DYNLL2: variants seen among roughly 807,000 people sequenced by gnomAD.
DYNLL2 encodes dynein light chain LC8-type 2.
In DYNLL2, 1 loss-of-function variant was observed where a neutral mutation model predicts 9.7. The observed-to-expected ratio is 0.10, with a 90% CI of 0.04 to 0.49. The LOEUF (loss-of-function observed/expected upper bound fraction) is 0.49, where lower values mean the gene tolerates loss of function less well. Ranked by LOEUF, DYNLL2 falls within the 20% of genes least tolerant of loss-of-function variation. The probability of loss-of-function intolerance (pLI) is 0.95; values close to 1 mark genes in which losing one functional copy is unlikely to be tolerated. For synonymous variants in DYNLL2, 35 were observed against 40.5 expected (o/e 0.86, Z 0.52); for missense variants, 37 against 115.2 (o/e 0.32, Z 3.11).
rs928508987 is a variant in DYNLL2, at chr17:58,093,293, G to T, written c.*4014G>T. On this transcript the variant is annotated 3_prime_UTR_variant, in exon 3 of 3. Coordinates refer to ENST00000579991, the MANE Select transcript of DYNLL2 (RefSeq NM_080677.3). ...AAAGGCGTGAGAGGGTCACTCCCAGGTGTATTCAAGCAAGAGTGCCTGAGC... is the reference window on the plus strand; with the variant it reads ...AAAGGCGTGAGAGGGTCACTCCCAGTTGTATTCAAGCAAGAGTGCCTGAGC... 2 of 152,174 alleles carry T rather than the reference G, an allele frequency of 1.3e-5. No individual in the cohort carries two copies. Among genetic ancestry groups the T allele is most frequent in the African/African-American group, 4.8e-5 (2 of 41,446 alleles). The allele number at this position is 152,174 out of a possible 1,614,324, so 9.4% of individuals were successfully genotyped here.
In DYNLL2 at chr17:58,089,417, C is replaced by G. The variant is rs1216127067; in HGVS notation, c.*138C>G. The G allele has an allele frequency of 7.0e-6, 8 of 1,145,002 alleles. No homozygotes were observed. Among genetic ancestry groups the G allele is most frequent in the African/African-American group, 1.6e-5 (1 of 63,606 alleles). 70.9% of individuals were successfully genotyped at this position (1,145,002 alleles called of 1,614,324 possible). ...ACTGCATGGACTGTATACTCGATTTCATGTGTATGTCGCAGTAAACAAAAC... is the reference window on the plus strand; with the variant it reads ...ACTGCATGGACTGTATACTCGATTTGATGTGTATGTCGCAGTAAACAAAAC... On this transcript the variant is annotated 3_prime_UTR_variant, in exon 3 of 3. Transcript: ENST00000579991.
At chr17:58,087,362 A>C in intron 2 of DYNLL2, 140 bp downstream of exon 2, 2 of 1,258,290 alleles carry the variant, frequency 1.6e-6, no homozygotes, top group African/African-American at 1.5e-5. Flanking sequence ...CAAAGCAGAC[A>C]AACTAGCGAG....
intron 1 of DYNLL2, among the ~76,000 whole-genome samples, chr17:58,086,025 A>G (rs1964000837): frequency 1.3e-5 from 2 of 152,218 alleles, no homozygotes; most frequent in Non-Finnish European, 2.9e-5. Context: ...GCTTTAAAGA[A>G]TGAACATTGT....
Position 58,090,876 on chromosome 17 carries a change from CCATTCTTGGGGCTGGTGGGGAGG to C in DYNLL2, c.*1600_*1622del, listed in dbSNP as rs1567767304. On this transcript the variant is annotated 3_prime_UTR_variant, in exon 3 of 3. Transcript: ENST00000579991. ...CCAGCTTATTCTTTTATTTTCAAGT[CCATTCTTGGGGCTGGTGGGGAGG>C]CAGGAGAATACCCCTCCCTAAGCCC... 1 of 151,160 alleles carries C rather than the reference CCATTCTTGGGGCTGGTGGGGAGG, an allele frequency of 6.6e-6. No homozygotes were observed. Among genetic ancestry groups the C allele is most frequent in the African/African-American group, 2.4e-5 (1 of 41,060 alleles). The allele number at this position is 151,160 out of a possible 1,614,324, so 9.4% of individuals were successfully genotyped here.
Position 58,092,852 on chromosome 17 carries a change from G to A in DYNLL2, c.*3573G>A, listed in dbSNP as rs200849813. On this transcript the variant is annotated 3_prime_UTR_variant, in exon 3 of 3. Coordinates refer to ENST00000579991, the MANE Select transcript of DYNLL2 (RefSeq NM_080677.3). ...GACTAGATTTAAGGTGTGGTTCCCC[G>A]CTAAATTATTCTCTCACCTCCTTTC... 1.3e-5 allele frequency: 2 copies of A among 152,096 alleles called. No individual in the cohort carries two copies. The highest frequency in any genetic ancestry group is 4.8e-5 in the African/African-American group (2 of 41,336). The allele number at this position is 152,096 out of a possible 1,614,324, so 9.4% of individuals were successfully genotyped here.
In DYNLL2 at chr17:58,090,813, C is replaced by G. The variant is rs569183303; in HGVS notation, c.*1534C>G. ...TGATTTTCATGAGTCGCCTTCAAAA[C>G]TCTCGTGTAGGGTTGACAATGTGGG... On this transcript the variant is annotated 3_prime_UTR_variant, in exon 3 of 3. Coordinates refer to ENST00000579991, the MANE Select transcript of DYNLL2 (RefSeq NM_080677.3). 53 of 150,900 alleles carry G rather than the reference C, an allele frequency of 3.5e-4. No individual in the cohort carries two copies. The highest frequency in any genetic ancestry group is 1.1e-3 in the African/African-American group (45 of 40,916). The allele number at this position is 150,900 out of a possible 1,614,324, so 9.3% of individuals were successfully genotyped here. A position where few individuals can be genotyped will look rare whatever the true frequency, so the allele number is the denominator to read the frequency against.
chr17:58,086,820 T>TA (rs1274762998), intron 1 of DYNLL2, among the ~76,000 whole-genome samples: 1 of 152,342 alleles, frequency 6.6e-6, no homozygotes, highest in African/African-American at 2.4e-5. Context: ...ATATCGGAAG[T>TA]AAATTTTAGA....
In DYNLL2 at chr17:58,087,214, A is replaced by G. The variant is rs1378836525; in HGVS notation, c.124A>G (p.Ile42Val). Residue 42 changes from isoleucine to valine, a missense_variant, in exon 2 of 3, where the codon ATC (isoleucine) becomes GTC (valine). Transcript: ENST00000579991. ...YNIEKDIAAY[I>V]KKEFDKKYNP... ...TATAGAGAAGGACATTGCTGCCTAT[A>G]TCAAGAAGGTGTGCTGGGAGAGCTG... 1 of 1,614,108 alleles carries G rather than the reference A, an allele frequency of 6.2e-7. No homozygotes were observed. Among genetic ancestry groups the G allele is most frequent in the Non-Finnish European group, 8.5e-7 (1 of 1,179,960 alleles).
At chr17:58,086,801 C>T (rs77154762) in intron 1 of DYNLL2, among the ~76,000 whole-genome samples, 34 of 152,170 alleles carry the variant, frequency 2.2e-4, no homozygotes, top group African/African-American at 7.7e-4. Context: ...ACTATTGGTG[C>T]TCTTCAGAAT....
rs867029369 is a variant in DYNLL2 at position 58,092,544 on chromosome 17, A to G, written c.*3265A>G. ...ATTCTCTCGGAACAATGCAGCCATT[A>G]TTAGAACTGTGCCCATAGGAGCATC... On this transcript the variant is annotated 3_prime_UTR_variant, in exon 3 of 3. Transcript: ENST00000579991. The G allele has an allele frequency of 5.3e-5, 8 of 152,256 alleles. No homozygotes were observed. In the South Asian group the frequency reaches 1.7e-3, roughly 32 times the overall value. The allele number at this position is 152,256 out of a possible 1,614,324, so 9.4% of individuals were successfully genotyped here. A position where few individuals can be genotyped will look rare whatever the true frequency, so the allele number is the denominator to read the frequency against.
At chr17:58,088,288 A>G (rs2075767864) in intron 2 of DYNLL2, among the ~76,000 whole-genome samples, 1 of 152,178 alleles carries the variant, frequency 6.6e-6, no homozygotes, top group South Asian at 2.1e-4. Flanking sequence ...AGCTGGGTTT[A>G]GTATTTACTC....
intron 2 of DYNLL2, among the ~76,000 whole-genome samples, chr17:58,088,373 A>C (rs1567766571): frequency 6.6e-6 from 1 of 152,192 alleles, no homozygotes; most frequent in Non-Finnish European, 1.5e-5. Context: ...ATATTGAGGG[A>C]TAGAACCCCA....
intron 2 of DYNLL2, among the ~76,000 whole-genome samples, 183 bp downstream of exon 2, chr17:58,087,405 AGTT>A (rs1266064741): frequency 2.1e-5 from 3 of 145,178 alleles, no homozygotes; most frequent in Non-Finnish European, 4.5e-5. Context: ...TCACCTTAGG[AGTT>A]GTTAATAGCT....
chr17:58,086,639 C>T (rs1468393018), intron 1 of DYNLL2, among the ~76,000 whole-genome samples: 1 of 152,164 alleles, frequency 6.6e-6, no homozygotes, highest in African/African-American at 2.4e-5. Context: ...GTCATTAAAT[C>T]AGGGACTTAA....
In DYNLL2 at chr17:58,087,172, G is replaced by A; in HGVS notation, c.82G>A (p.Ala28Thr). The A allele has an allele frequency of 6.2e-7, 1 of 1,614,198 alleles. No homozygotes were observed. Among genetic ancestry groups the A allele is most frequent in the East Asian group, 2.2e-5 (1 of 44,884 alleles). Residue 28 changes from alanine (A) to threonine (T), a missense_variant, in exon 2 of 3, where the codon GCC (alanine) becomes ACC (threonine). Transcript: ENST00000579991. Reference protein sequence around the residue: ...QQDAVDCATQAMEKYNIEKDI... With the variant: ...QQDAVDCATQTMEKYNIEKDI... ...GGATGCCGTTGACTGCGCCACGCAG[G>A]CCATGGAGAAGTACAATATAGAGAA...
In DYNLL2 at chr17:58,092,615, C is replaced by T. The variant is rs1567767702; in HGVS notation, c.*3336C>T. On this transcript the variant is annotated 3_prime_UTR_variant, in exon 3 of 3. Transcript: ENST00000579991. The stretch of plus-strand genomic sequence containing the variant: ...CCTGTTCTCCAGTCTTCTGGGGACC[C>T]CCTTTGACTGAACCCAACCAAATGG... 2 of 152,224 alleles carry T rather than the reference C, an allele frequency of 1.3e-5. No individual in the cohort carries two copies. The highest frequency in any genetic ancestry group is 2.4e-5 in the African/African-American group (1 of 41,448). 9.4% of individuals were successfully genotyped at this position (152,224 alleles called of 1,614,324 possible).
chr17:58,085,255 G>T lies in DYNLL2; in HGVS notation c.-10+1572G>T, dbSNP rs572724990. Among the ~76,000 whole-genome samples the T allele has an allele frequency of 3.3e-5, 5 of 152,338 alleles. No individual in the cohort carries two copies. In the East Asian group the frequency reaches 9.7e-4, roughly 29 times the overall value. On this transcript the variant is annotated intron_variant, in intron 1 of 2. Transcript: ENST00000579991. The stretch of plus-strand genomic sequence containing the variant: ...TCTAGATGAAGGGGCCTTGGATGCG[G>T]TCAAGGGCTGCCTGGCTGGCAGCTG...
In DYNLL2 at chr17:58,090,046, A is replaced by C; in HGVS notation, c.*767A>C. The C allele has an allele frequency of 2.5e-6, 1 of 396,398 alleles. No individual in the cohort carries two copies. 24.6% of individuals were successfully genotyped at this position (396,398 alleles called of 1,614,324 possible). ...ATTAGCTTGAATCTTTTTTTTCTTT[A>C]CATTTTTCTCCTGTCTGCTCCCTGC... is the stretch of plus-strand genomic sequence containing the variant. On this transcript the variant is annotated 3_prime_UTR_variant, in exon 3 of 3. Transcript: ENST00000579991.
At chr17:58,084,658 T>C (rs1329541285) in intron 1 of DYNLL2, among the ~76,000 whole-genome samples, 1 of 152,220 alleles carries the variant, frequency 6.6e-6, no homozygotes, top group Non-Finnish European at 1.5e-5. Flanking sequence ...AAGACCAATA[T>C]TATGTAACCG....
Sources: gnomAD v4.1 joint callset for allele counts (sites outside exome capture counted in the v4.1 genomes callset) on GRCh38, gnomAD v4.1.1 for gene constraint, MANE v1.5 for transcripts, NCBI Gene and HGNC (gene_info 2026-07-23, HGNC 2026-07-21) for gene names.